SEPTIN4: variants seen among roughly 807,000 people sequenced by gnomAD.
The protein encoded by SEPTIN4 is septin 4.
SEPTIN4 carries 52 observed loss-of-function variants against 107.1 expected under a neutral mutation model. The ratio of observed to expected loss-of-function variants is 0.49; its 90% confidence interval spans 0.39 to 0.61. The LOEUF is 0.61. Among genes scored for constraint, SEPTIN4 ranks in the 20% least tolerant of loss-of-function variants. The pLI, the probability that SEPTIN4 is intolerant of heterozygous loss-of-function variation, is 0.00. For missense variants in SEPTIN4, 1,048 were observed against 1,243.5 expected (o/e 0.84, Z 2.36); for synonymous variants, 417 against 467.0 (o/e 0.89, Z 1.38).
At chr17:58,524,883 T>TA in intron 7 of SEPTIN4, 195 bp downstream of exon 7, 1 of 670,306 alleles carries the variant, frequency 1.5e-6, no homozygotes, top group South Asian at 1.9e-5. Context: ...GAAGGAACAT[T>TA]AAAAATCATC....
intron 3 of SEPTIN4, among the ~76,000 whole-genome samples, chr17:58,533,976 C>T (rs1190446242): frequency 6.6e-6 from 1 of 152,194 alleles, no homozygotes; most frequent in African/African-American, 2.4e-5. Context: ...CAGCTGAATT[C>T]CAAGTGTGGA....
In SEPTIN4 at chr17:58,525,180, T is replaced by A. The variant is rs762566955; in HGVS notation, c.2114A>T (p.Glu705Val). 5 of 1,614,100 alleles carry A rather than the reference T, an allele frequency of 3.1e-6. No individual in the cohort carries two copies. Among genetic ancestry groups the A allele is most frequent in the Non-Finnish European group, 4.2e-6 (5 of 1,180,020 alleles). ...GAEERIMQTV[E>V]ITKHAVDIEE... is the part of the protein sequence containing the mutation. ...TATGTCCACTGCATGCTTAGTGATC[T>A]CCACAGTTTGCATGATCCTCTCTGG... Residue 705 changes from glutamate (E) to valine (V), a missense_variant, in exon 7 of 14, where the codon GAG becomes GTG. This residue lies in a region of SEPTIN4 where 787 missense variants were observed against 871.8 expected (regional missense o/e 0.90). Coordinates refer to ENST00000672673, the MANE Select transcript of SEPTIN4 (RefSeq NM_001368771.2).
At chr17:58,533,560 T>C (rs1332774731) in intron 3 of SEPTIN4, among the ~76,000 whole-genome samples, 1 of 149,892 alleles carries the variant, frequency 6.7e-6, no homozygotes, top group African/African-American at 2.5e-5. Flanking sequence ...GCCCAGGATC[T>C]GAGTGAAGGG....
chr17:58,542,542 T>C, intron 1 of SEPTIN4, 84 bp downstream of exon 1: 1 of 1,503,892 alleles, frequency 6.6e-7, no homozygotes, highest in Non-Finnish European at 8.9e-7. Flanking sequence ...AGGCCCAGAA[T>C]GAAGAGGTGG....
Position 58,520,491 on chromosome 17 carries a change from A to C in SEPTIN4, c.2932-6T>G. 1 of 1,613,728 alleles carries C rather than the reference A, an allele frequency of 6.2e-7. No homozygotes were observed. The highest frequency in any genetic ancestry group is 8.5e-7 in the Non-Finnish European group (1 of 1,179,966). ...ATCTCCTGCATCCGCCGCAGCTGGAATAGGCACAGGCATCAAAATGGGGAC... is the reference window on the plus strand; with the variant it reads ...ATCTCCTGCATCCGCCGCAGCTGGACTAGGCACAGGCATCAAAATGGGGAC... On this transcript the variant is annotated splice_polypyrimidine_tract_variant and splice_region_variant and intron_variant, in intron 13 of 13. Transcript: ENST00000672673.
At chr17:58,532,193 CG>C in intron 3 of SEPTIN4, 2 of 779,386 alleles carry the variant, frequency 2.6e-6, no homozygotes, top group Non-Finnish European at 3.2e-6. Flanking sequence ...AGCTGGGGGC[CG>C]GCCTCGCAGC....
intron 5 of SEPTIN4, 21 bp from the exon 6 acceptor site, chr17:58,525,802 G>T: frequency 6.2e-7 from 1 of 1,601,182 alleles, no homozygotes; most frequent in African/African-American, 1.3e-5. Flanking sequence ...AGAGGACAGA[G>T]GCACCAAATC....
At chr17:58,529,049 C>A (rs1450335245) in intron 3 of SEPTIN4, 1 of 1,590,716 alleles carries the variant, frequency 6.3e-7, no homozygotes, top group Non-Finnish European at 8.6e-7. Flanking sequence ...GACTTTGAGC[C>A]CCAATCCCAG....
intron 3 of SEPTIN4, chr17:58,529,763 T>C (rs758377): frequency 0.84 from 127,418 of 151,548 alleles, 53,813 homozygotes; most frequent in East Asian, 1. Flanking sequence ...TATAGGTTTT[T>C]GTGGGAATGG....
chr17:58,537,350 G>A (rs1248614398), intron 3 of SEPTIN4, among the ~76,000 whole-genome samples: 1 of 152,140 alleles, frequency 6.6e-6, no homozygotes, highest in Admixed American at 6.5e-5. Flanking sequence ...CAAAGTCCCA[G>A]GCAAACCCTG....
rs2043109214 is a variant in SEPTIN4 at position 58,527,952 on chromosome 17, G to A, written c.1615-974C>T. ...GTTCTACCCCATCCTCAGCTCAGAA[G>A]AGGAACTGTTTCCCCCAACTCTCAT... On this transcript the variant is annotated intron_variant, in intron 3 of 13. Coordinates refer to ENST00000672673, the MANE Select transcript of SEPTIN4 (RefSeq NM_001368771.2). 10 of 985,724 alleles carry A rather than the reference G, an allele frequency of 1.0e-5. No individual in the cohort carries two copies. In the South Asian group the frequency reaches 2.3e-4, roughly 23 times the overall value. The allele number at this position is 985,724 out of a possible 1,614,324, so 61.1% of individuals were successfully genotyped here. A position where few individuals can be genotyped will look rare whatever the true frequency, so the allele number is the denominator to read the frequency against.
At chr17:58,526,113 A>T in intron 5 of SEPTIN4, 107 bp downstream of exon 5, 1 of 1,296,848 alleles carries the variant, frequency 7.7e-7, no homozygotes, top group Non-Finnish European at 9.9e-7. Flanking sequence ...CAGTACAGCC[A>T]CTCGCTGCTT....
rs757672599 is a variant in SEPTIN4 at position 58,521,504 on chromosome 17, A to T, written c.2571+41T>A. 3 of 1,605,358 alleles carry T rather than the reference A, an allele frequency of 1.9e-6. No individual in the cohort carries two copies. Among genetic ancestry groups the T allele is most frequent in the South Asian group, 2.2e-5 (2 of 90,816 alleles). ...AATTCTACTCCCTTTTTCTACCCGG[A>T]AGAAATAAGATAGGAATGGGATGCC... On this transcript the variant is annotated intron_variant, in intron 10 of 13. Transcript: ENST00000672673. This position sits in a 1 kb window ranked among gnomAD's most constrained non-coding sequence, Gnocchi z 6.4.
intron 3 of SEPTIN4, 60 bp from the exon 4 acceptor site, chr17:58,527,038 A>C: frequency 6.2e-7 from 1 of 1,612,222 alleles, no homozygotes. Context: ...CCGGAAGGGA[A>C]GAATGAGGAA....
At chr17:58,526,466 C>A in intron 4 of SEPTIN4, 153 bp from the exon 5 acceptor site, 2 of 1,390,558 alleles carry the variant, frequency 1.4e-6, no homozygotes, top group Non-Finnish European at 1.9e-6. Context: ...ACCAGCTGGG[C>A]CTCCTGCCCT....
chr17:58,530,102 T>C (rs1300009156), intron 3 of SEPTIN4: 1 of 152,218 alleles, frequency 6.6e-6, no homozygotes, highest in Non-Finnish European at 1.5e-5. Flanking sequence ...AGGGGCCTGG[T>C]TGGAAGTGTG....
intron 3 of SEPTIN4, chr17:58,528,187 G>C (rs966813760): frequency 5.0e-6 from 1 of 199,258 alleles, no homozygotes; most frequent in African/African-American, 2.4e-5. Flanking sequence ...GTCCCAGCTA[G>C]AGTGAGGAAG....
intron 6 of SEPTIN4, 73 bp from the exon 7 acceptor site, chr17:58,525,274 C>T: frequency 1.3e-6 from 2 of 1,580,060 alleles, no homozygotes; most frequent in Non-Finnish European, 1.7e-6. Context: ...CCCACCCCAA[C>T]CAGCCTTGTT....
In SEPTIN4 at chr17:58,521,655, C is replaced by T; in HGVS notation, c.2470-9G>A. ...TCAATCTCCTCCCGGATCTGACAAACAGATGAGGGGCCCACAGTTCTGGGG... is the reference window on the plus strand; with the variant it reads ...TCAATCTCCTCCCGGATCTGACAAATAGATGAGGGGCCCACAGTTCTGGGG... On this transcript the variant is annotated splice_polypyrimidine_tract_variant and intron_variant, in intron 9 of 13. Coordinates refer to ENST00000672673, the MANE Select transcript of SEPTIN4 (RefSeq NM_001368771.2). This position sits in a 1 kb window ranked among gnomAD's most constrained non-coding sequence, Gnocchi z 6.4. 2 of 1,614,230 alleles carry T rather than the reference C, an allele frequency of 1.2e-6. 1 individual carries two copies. The highest frequency in any genetic ancestry group is 2.2e-5 in the South Asian group (2 of 91,084).
Sources: allele counts gnomAD v4.1 joint callset (sites outside exome capture counted in the v4.1 genomes callset), GRCh38; gene constraint gnomAD v4.1.1; regional missense constraint gnomAD v4.1.1; non-coding constraint Gnocchi (gnomAD v3.1); transcripts MANE v1.5; gene names NCBI Gene and HGNC (gene_info 2026-07-23, HGNC 2026-07-21).